Variants in BBX observed in about 807,000 individuals in gnomAD.
The protein encoded by BBX is HMG box transcription factor BBX.
In BBX, 30 loss-of-function variants were observed where a neutral mutation model predicts 100.2. The ratio of observed to expected loss-of-function variants is 0.30; its 90% CI spans 0.22 to 0.41. The LOEUF (loss-of-function observed/expected upper bound fraction) is 0.41, where lower values mean the gene tolerates loss of function less well. Among genes scored for constraint, BBX ranks in the 10% least tolerant of loss-of-function variants. The pLI is 1.00. For missense variants in BBX, 1,023 were observed against 1,129.8 expected, an observed-to-expected ratio of 0.91 and a Z score of 1.35; for synonymous variants, 376 against 388.1, an observed-to-expected ratio of 0.97 and a Z score of 0.37.
At chr3:107,671,725 G>A (rs369299437) in intron 3 of BBX, among the ~76,000 whole-genome samples, 6 of 152,082 alleles carry the variant, frequency 3.9e-5, no homozygotes, top group Non-Finnish European at 7.4e-5. Flanking sequence ...GTATAGCACT[G>A]CAAACTCATT....
intron 15 of BBX, among the ~76,000 whole-genome samples, chr3:107,791,978 G>A (rs1347704358): frequency 6.6e-6 from 1 of 152,150 alleles, no homozygotes; most frequent in East Asian, 1.9e-4. Context: ...TCCAGCCTGG[G>A]CAACAACAAC....
At chr3:107,621,875 C>T (rs1351202172) in intron 2 of BBX, among the ~76,000 whole-genome samples, 2 of 152,136 alleles carry the variant, frequency 1.3e-5, no homozygotes, top group Admixed American at 1.3e-4. Context: ...TACTCTTATT[C>T]ATAGATACAC....
chr3:107,690,892 CTTTTTTT>C (rs66523709), intron 3 of BBX, among the ~76,000 whole-genome samples: 1 of 41,190 alleles, frequency 2.4e-5, no homozygotes, highest in African/African-American at 1.1e-4. Context: ...GCCCCCCCCC[CTTTTTTT>C]TTTTTTTTTT....
intron 2 of BBX, among the ~76,000 whole-genome samples, chr3:107,609,370 G>C (rs1434673936): frequency 6.6e-6 from 1 of 152,012 alleles, no homozygotes; most frequent in Non-Finnish European, 1.5e-5. Flanking sequence ...TCTTTATTTG[G>C]TTTTGGTATC....
At chr3:107,756,095 C>T (rs1017271247) in intron 10 of BBX, among the ~76,000 whole-genome samples, 1 of 151,958 alleles carries the variant, frequency 6.6e-6, no homozygotes, top group East Asian at 1.9e-4. Flanking sequence ...ATTCATATGA[C>T]ATGTTCTAAA....
chr3:107,780,278 T>G (rs11915314), intron 13 of BBX, among the ~76,000 whole-genome samples: 4,267 of 152,220 alleles, frequency 0.028, 211 homozygotes, highest in African/African-American at 0.098. Flanking sequence ...GTGCAGGACA[T>G]TATTCCTTCT....
At chr3:107,726,752 G>A (rs1000293717) in intron 5 of BBX, among the ~76,000 whole-genome samples, 3 of 152,038 alleles carry the variant, frequency 2.0e-5, no homozygotes, top group Non-Finnish European at 2.9e-5. Context: ...ATGTATTTAT[G>A]TAGTAAACTG....
chr3:107,562,189 C>A (rs765865485), intron 2 of BBX, among the ~76,000 whole-genome samples: 1 of 152,086 alleles, frequency 6.6e-6, no homozygotes, highest in South Asian at 2.1e-4. Context: ...TATTTCAATG[C>A]GATTACATTC....
chr3:107,606,907 A>G (rs2054487141), intron 2 of BBX, among the ~76,000 whole-genome samples: 1 of 152,010 alleles, frequency 6.6e-6, no homozygotes, highest in Admixed American at 6.6e-5. Context: ...CGACTTTTTT[A>G]TACCCATTAA....
chr3:107,601,330 T>A lies in BBX; in HGVS notation c.-83-44506T>A, dbSNP rs929743766. On this transcript the variant is annotated intron_variant, in intron 2 of 17. Transcript: ENST00000325805. ...ATGTTTCCCACTTTAAATGAAAAGC[T>A]AGAAATGATTAAGCTTATTGAGGAA... Among the ~76,000 whole-genome samples, 26 of 152,286 alleles carry A rather than the reference T, an allele frequency of 1.7e-4. 1 individual carries two copies. The highest frequency in any genetic ancestry group is 6.0e-4 in the African/African-American group (25 of 41,566).
chr3:107,688,435 G>T (rs1189374983), intron 3 of BBX, among the ~76,000 whole-genome samples: 2 of 152,218 alleles, frequency 1.3e-5, no homozygotes, highest in African/African-American at 4.8e-5. Flanking sequence ...GGAACCCAGG[G>T]TTCCTTCTTG....
intron 3 of BBX, among the ~76,000 whole-genome samples, chr3:107,693,618 G>A (rs2060347483): frequency 6.6e-6 from 1 of 151,794 alleles, no homozygotes; most frequent in African/African-American, 2.4e-5. Flanking sequence ...AGTATAGTTT[G>A]AAGTCAGGTA....
chr3:107,752,804 C>T (rs920924929), intron 9 of BBX, among the ~76,000 whole-genome samples: 6 of 152,154 alleles, frequency 3.9e-5, no homozygotes, highest in Admixed American at 2.0e-4. Flanking sequence ...CATCCTATGC[C>T]GTATGGCCCA....
intron 8 of BBX, among the ~76,000 whole-genome samples, chr3:107,745,212 G>A (rs1383068484): frequency 2.0e-5 from 3 of 152,088 alleles, no homozygotes; most frequent in Non-Finnish European, 4.4e-5. Flanking sequence ...CTTGACACTG[G>A]TTCAAAGAGA....
intron 2 of BBX, among the ~76,000 whole-genome samples, chr3:107,560,365 A>G (rs1349112058): frequency 6.6e-6 from 1 of 152,158 alleles, no homozygotes; most frequent in African/African-American, 2.4e-5. Flanking sequence ...TGCTCTTACT[A>G]TACTGTGGCT....
At chr3:107,784,333 C>T (rs2068202448) in intron 13 of BBX, among the ~76,000 whole-genome samples, 1 of 151,944 alleles carries the variant, frequency 6.6e-6, no homozygotes, top group Admixed American at 6.6e-5. Context: ...TAGAACTCTC[C>T]ACTCAGTAAT....
Position 107,590,661 on chromosome 3 carries a change from C to T in BBX, c.-83-55175C>T, listed in dbSNP as rs139705036. 4.6e-5 allele frequency among the ~76,000 whole-genome samples: 7 copies of T among 152,194 alleles called. No homozygotes were observed. The South Asian group carries it at 1.4e-3, about 32-fold the overall frequency. ...TCCACTTCTCTTATTTTACCCATCC[C>T]TCTCTTATTTCTTTAAATTACTTTA... is the stretch of plus-strand genomic sequence containing the variant. On this transcript the variant is annotated intron_variant, in intron 2 of 17. Coordinates refer to ENST00000325805, the MANE Select transcript of BBX (RefSeq NM_001142568.3).
chr3:107,695,998 A>G (rs2060568981), intron 3 of BBX, among the ~76,000 whole-genome samples: 1 of 151,848 alleles, frequency 6.6e-6, no homozygotes, highest in East Asian at 1.9e-4. Flanking sequence ...AGTCTGTTTT[A>G]TCAGAGACTA....
Position 107,673,628 on chromosome 3 carries a change from A to G in BBX, c.-10+27719A>G, listed in dbSNP as rs541430949. 3.3e-5 allele frequency among the ~76,000 whole-genome samples: 5 copies of G among 152,266 alleles called. No homozygotes were observed. The East Asian group carries it at 5.8e-4, about 18-fold the overall frequency. On this transcript the variant is annotated intron_variant, in intron 3 of 17. Transcript: ENST00000325805. Reference sequence around the variant, plus strand: ...CTGATTAAAAGTATGCCTCCTTACAATAAAGTTTTCTGTTTTATAAATTGC... The same window carrying G: ...CTGATTAAAAGTATGCCTCCTTACAGTAAAGTTTTCTGTTTTATAAATTGC...
Sources: allele counts gnomAD v4.1 joint callset (sites outside exome capture counted in the v4.1 genomes callset), GRCh38; gene constraint gnomAD v4.1.1; transcripts MANE v1.5; gene names NCBI Gene and HGNC (gene_info 2026-07-23, HGNC 2026-07-21).